The following BABAM2 variants were observed in gnomAD, a reference collection of about 807,000 sequenced individuals.
BABAM2 encodes BRISC and BRCA1-A complex member 2.
A neutral mutation model predicts 54.7 loss-of-function variants in BABAM2; 31 were observed. The ratio of observed to expected loss-of-function variants is 0.57; its 90% CI spans 0.43 to 0.77. The LOEUF (loss-of-function observed/expected upper bound fraction) is 0.77, where lower values mean the gene tolerates loss of function less well. BABAM2 is among the 30% of genes least tolerant of loss of function. The probability of loss-of-function intolerance (pLI) is 0.00; values close to 1 mark genes in which losing one functional copy is unlikely to be tolerated. For missense variants in BABAM2, 364 were observed against 455.8 expected (o/e 0.80, Z 1.83); for synonymous variants, 167 against 162.9 (o/e 1.03, Z -0.19).
intron 6 of BABAM2, among the ~76,000 whole-genome samples, chr2:28,090,745 T>C (rs1172306377): frequency 1.3e-5 from 2 of 152,220 alleles, no homozygotes; most frequent in African/African-American, 4.8e-5. Context: ...GTAAATTTTA[T>C]GTTCAGCCAA....
intron 7 of BABAM2, among the ~76,000 whole-genome samples, chr2:28,141,434 T>G (rs1671045270): frequency 6.6e-6 from 1 of 152,208 alleles, no homozygotes; most frequent in South Asian, 2.1e-4. Flanking sequence ...GAACACACTT[T>G]TAACTTTTTT....
At chr2:28,208,074 C>G (rs534844088) in intron 7 of BABAM2, among the ~76,000 whole-genome samples, 1 of 151,798 alleles carries the variant, frequency 6.6e-6, no homozygotes, top group African/African-American at 2.4e-5. Flanking sequence ...TGTACACATG[C>G]GCACACACTT....
At chr2:28,008,112 T>C (rs1674105103) in intron 4 of BABAM2, among the ~76,000 whole-genome samples, 1 of 152,190 alleles carries the variant, frequency 6.6e-6, no homozygotes, top group African/African-American at 2.4e-5. Flanking sequence ...TCCCATAGTT[T>C]ATAATCTCAT....
At chr2:28,044,732 T>C (rs369378229) in intron 5 of BABAM2, among the ~76,000 whole-genome samples, 1 of 152,242 alleles carries the variant, frequency 6.6e-6, no homozygotes, top group Non-Finnish European at 1.5e-5. Flanking sequence ...GGGAACTCTT[T>C]GGTAGTTACA....
chr2:27,953,514 A>T (rs1310242766), intron 3 of BABAM2, among the ~76,000 whole-genome samples: 1 of 151,794 alleles, frequency 6.6e-6, no homozygotes, highest in East Asian at 1.9e-4. Flanking sequence ...CTGGTTTCGA[A>T]TTCTTGGGCT....
chr2:27,890,441 G>T, upstream of BABAM2: 3 of 1,241,398 alleles, frequency 2.4e-6, no homozygotes, highest in Non-Finnish European at 2.3e-6. The surrounding 1 kb of genome is among the most constrained non-coding windows in gnomAD (Gnocchi z 4.8). Flanking sequence ...CTAACGACGC[G>T]GGCCTTTCAG....
At chr2:28,134,031 C>T (rs1358542734) in intron 7 of BABAM2, among the ~76,000 whole-genome samples, 3 of 152,088 alleles carry the variant, frequency 2.0e-5, no homozygotes, top group African/African-American at 7.2e-5. Context: ...CTATGACTTG[C>T]AGAGTAAATG....
At chr2:28,286,424 A>G (rs115302454) in intron 10 of BABAM2, among the ~76,000 whole-genome samples, 126 of 152,204 alleles carry the variant, frequency 8.3e-4, no homozygotes, top group Middle Eastern at 3.4e-3. Flanking sequence ...GTCCTTCACT[A>G]TGTGTTCAGA....
intron 7 of BABAM2, among the ~76,000 whole-genome samples, chr2:28,152,557 A>G (rs1672157502): frequency 6.6e-6 from 1 of 152,142 alleles, no homozygotes; most frequent in Admixed American, 6.6e-5. Flanking sequence ...GTCTTGGGTA[A>G]GTGGCTGGGG....
At chr2:27,890,498 A>C, upstream of BABAM2, 1 of 636,072 alleles carries the variant, frequency 1.6e-6, no homozygotes, top group Non-Finnish European at 2.8e-6. The surrounding 1 kb of genome is among the most constrained non-coding windows in gnomAD (Gnocchi z 4.8). Context: ...CACCCCGCCC[A>C]CCAAGTGTCC....
At chr2:28,174,174 C>T (rs866693076) in intron 7 of BABAM2, among the ~76,000 whole-genome samples, 1 of 152,172 alleles carries the variant, frequency 6.6e-6, no homozygotes, top group African/African-American at 2.4e-5. Flanking sequence ...GTCTTCATAA[C>T]AAAATCATAA....
At chr2:28,222,626 G>T (rs1397123079) in intron 7 of BABAM2, among the ~76,000 whole-genome samples, 1 of 152,164 alleles carries the variant, frequency 6.6e-6, no homozygotes, top group Non-Finnish European at 1.5e-5. Flanking sequence ...TGGTTTTGAA[G>T]CCTTAAGAAA....
At chr2:28,107,446 C>T (rs1667624124) in intron 6 of BABAM2, among the ~76,000 whole-genome samples, 1 of 152,168 alleles carries the variant, frequency 6.6e-6, no homozygotes, top group African/African-American at 2.4e-5. Context: ...TCAGCTTTGT[C>T]TTTCACCCTT....
chr2:27,952,070 T>C (rs2148408946), intron 3 of BABAM2, among the ~76,000 whole-genome samples: 1 of 152,258 alleles, frequency 6.6e-6, no homozygotes, highest in East Asian at 1.9e-4. Context: ...TGTTATTAAA[T>C]TTGTAAACAT....
At chr2:28,145,312 C>A (rs1676836286) in intron 7 of BABAM2, among the ~76,000 whole-genome samples, 1 of 152,258 alleles carries the variant, frequency 6.6e-6, no homozygotes, top group African/African-American at 2.4e-5. Flanking sequence ...TAGACCCTTA[C>A]ATTTTTCAGC....
At chr2:28,014,665 C>A (rs1433065896) in intron 4 of BABAM2, among the ~76,000 whole-genome samples, 1 of 129,112 alleles carries the variant, frequency 7.7e-6, no homozygotes, top group Non-Finnish European at 1.6e-5. Flanking sequence ...CAATATGAAG[C>A]TGGTTTTTTT....
chr2:28,016,544 C>T lies in BABAM2; in HGVS notation c.301-8682C>T, dbSNP rs1289932716. ...AACTGGGCCGGAGAGATGGCCGAAG[C>T]GGGCCCGCCGCAGGTGCATTTCTTT... On this transcript the variant is annotated intron_variant, in intron 4 of 11. Coordinates refer to ENST00000379624, the MANE Select transcript of BABAM2 (RefSeq NM_199191.3). 5.7e-5 allele frequency: 37 copies of T among 644,258 alleles called. 1 individual carries two copies. The highest frequency in any genetic ancestry group is 3.3e-4 in the South Asian group (21 of 63,940). 39.9% of individuals were successfully genotyped at this position (644,258 alleles called of 1,614,324 possible). A position where few individuals can be genotyped will look rare whatever the true frequency, so the allele number is the denominator to read the frequency against.
chr2:27,965,689 A>G (rs1670786370), intron 3 of BABAM2, among the ~76,000 whole-genome samples: 1 of 152,226 alleles, frequency 6.6e-6, no homozygotes, highest in Non-Finnish European at 1.5e-5. Context: ...ACATACATAT[A>G]CAAACATACA....
chr2:28,102,208 GAATA>G (rs1385253371), intron 6 of BABAM2, among the ~76,000 whole-genome samples: 4 of 152,164 alleles, frequency 2.6e-5, no homozygotes, highest in Admixed American at 2.6e-4. Flanking sequence ...ATAAATAAAT[GAATA>G]ATGAAACGCT....
Sources: allele counts gnomAD v4.1 joint callset (sites outside exome capture counted in the v4.1 genomes callset), GRCh38; gene constraint gnomAD v4.1.1; non-coding constraint Gnocchi (gnomAD v3.1); transcripts MANE v1.5; gene names NCBI Gene and HGNC (gene_info 2026-07-23, HGNC 2026-07-21).